The following ANO4 variants were observed in gnomAD, a reference collection of about 807,000 sequenced individuals.
ANO4 encodes anoctamin-4.
In ANO4, 69 loss-of-function variants were observed where a neutral mutation model predicts 141.9. That is an observed-to-expected ratio of 0.49 (90% CI 0.40 to 0.59). The LOEUF is 0.59. Ranked by LOEUF, ANO4 falls within the 20% of genes least tolerant of loss-of-function variation. The probability of loss-of-function intolerance (pLI) is 0.00; values close to 1 mark genes in which losing one functional copy is unlikely to be tolerated. For synonymous variants in ANO4, 350 were observed against 394.3 expected, an observed-to-expected ratio of 0.89 and a Z score of 1.33; for missense variants, 894 against 1,162.2, an observed-to-expected ratio of 0.77 and a Z score of 3.36.
intron 8 of ANO4, among the ~76,000 whole-genome samples, chr12:100,998,617 C>A (rs527910994): frequency 7.2e-5 from 11 of 152,164 alleles, no homozygotes; most frequent in African/African-American, 2.4e-4. Flanking sequence ...CATCTCTATA[C>A]GTCAATGCAT....
intron 1 of ANO4, among the ~76,000 whole-genome samples, chr12:100,801,039 T>C (rs1282734737): frequency 6.6e-6 from 1 of 152,168 alleles, no homozygotes; most frequent in Admixed American, 6.6e-5. Flanking sequence ...GAGCTAGGTA[T>C]ACTATCTCTG....
chr12:100,973,222 A>G (rs1480717562), intron 6 of ANO4, among the ~76,000 whole-genome samples: 2 of 152,212 alleles, frequency 1.3e-5, no homozygotes, highest in Non-Finnish European at 2.9e-5. Flanking sequence ...AACTTTTGCT[A>G]TTATTGTGTC....
In ANO4 at chr12:101,048,292, A is replaced by G. The variant is rs766126347; in HGVS notation, c.1252-49A>G. ...CAGAACTTGAAAAAATTTGAATTGGAATATCATATATGAGAAATTAACTCA... is the reference window on the plus strand; with the variant it reads ...CAGAACTTGAAAAAATTTGAATTGGGATATCATATATGAGAAATTAACTCA... On this transcript the variant is annotated intron_variant, in intron 13 of 27. Coordinates refer to ENST00000392977, the MANE Select transcript of ANO4 (RefSeq NM_001286615.2). The G allele has an allele frequency of 1.5e-5, 23 of 1,577,098 alleles. No individual in the cohort carries two copies. The South Asian group carries it at 2.6e-4, about 18-fold the overall frequency.
At chr12:101,111,734 T>A in intron 24 of ANO4, 24 bp downstream of exon 24, 2 of 1,552,864 alleles carry the variant, frequency 1.3e-6, no homozygotes, top group Non-Finnish European at 1.7e-6. Flanking sequence ...AAAACCACTA[T>A]ACAGTTTCTA....
intron 1 of ANO4, among the ~76,000 whole-genome samples, chr12:100,884,755 T>A (rs900472588): frequency 2.6e-5 from 4 of 152,132 alleles, no homozygotes; most frequent in Non-Finnish European, 5.9e-5. Context: ...AGTGCAGTGG[T>A]GCGATCTCAG....
chr12:100,905,439 A>G (rs1427111658), intron 2 of ANO4, among the ~76,000 whole-genome samples: 1 of 152,104 alleles, frequency 6.6e-6, no homozygotes, highest in Non-Finnish European at 1.5e-5. Context: ...CTCAGAAATT[A>G]CAAAAGTTTA....
At chr12:100,901,056 G>A (rs1275004465) in intron 1 of ANO4, among the ~76,000 whole-genome samples, 2 of 152,054 alleles carry the variant, frequency 1.3e-5, no homozygotes, top group East Asian at 1.9e-4. Context: ...ATGATGTCTG[G>A]AATTTGCTTT....
At chr12:100,970,974 CA>C (rs1566072552) in intron 5 of ANO4, among the ~76,000 whole-genome samples, 1 of 152,180 alleles carries the variant, frequency 6.6e-6, no homozygotes, top group Non-Finnish European at 1.5e-5. Context: ...CTCAGCCTCC[CA>C]AACTGCTGGG....
intron 1 of ANO4, among the ~76,000 whole-genome samples, chr12:100,797,277 C>CTTT (rs5800423): frequency 1.5e-5 from 2 of 136,820 alleles, no homozygotes; most frequent in Non-Finnish European, 3.2e-5. Flanking sequence ...CTTTAACTGG[C>CTTT]TTTTTTTTTT....
chr12:100,983,874 G>A (rs1334246102), intron 7 of ANO4, among the ~76,000 whole-genome samples: 1 of 152,160 alleles, frequency 6.6e-6, no homozygotes, highest in African/African-American at 2.4e-5. Context: ...CACAGGTTCT[G>A]GTGTGTACAT....
In ANO4 at chr12:100,954,616, A is replaced by G. The variant is rs117270800; in HGVS notation, c.456+12081A>G. Among the ~76,000 whole-genome samples, 778 of 152,322 alleles carry G rather than the reference A, an allele frequency of 5.1e-3. 2 individuals are homozygous for G. Among genetic ancestry groups the G allele is most frequent in the South Asian group, 7.9e-3 (38 of 4,818 alleles). ...CAACAAACAATATAGTGCAGCCACC[A>G]GCCCTCCTAACAGGTTGTTCCCTGT... On this transcript the variant is annotated intron_variant, in intron 5 of 27. Transcript: ENST00000392977.
chr12:100,988,872 G>GAAAAAAA (rs748666892), intron 8 of ANO4, among the ~76,000 whole-genome samples: 4,555 of 64,740 alleles, frequency 0.07, 729 homozygotes, highest in Non-Finnish European at 0.097. Context: ...CTCTGTCTCA[G>GAAAAAAA]AAAAAAAAAA....
intron 15 of ANO4, among the ~76,000 whole-genome samples, chr12:101,082,897 G>C (rs1365943110): frequency 6.6e-6 from 1 of 151,644 alleles, no homozygotes; most frequent in East Asian, 1.9e-4. Flanking sequence ...CATAATGCAT[G>C]CTTAATTAAC....
intron 3 of ANO4, among the ~76,000 whole-genome samples, chr12:100,765,618 T>C (rs1457661237): frequency 6.6e-6 from 1 of 151,552 alleles, no homozygotes; most frequent in Non-Finnish European, 1.5e-5. Context: ...TCAAGCGATC[T>C]TTCCGCCTTA....
chr12:101,048,082 A>G, intron 13 of ANO4: 6 of 1,176,502 alleles, frequency 5.1e-6, no homozygotes, highest in Non-Finnish European at 4.3e-6. Context: ...TCTTAGTAGC[A>G]CTATTGGGGA....
chr12:100,933,694 G>C (rs1174161351), intron 3 of ANO4, among the ~76,000 whole-genome samples: 1 of 152,166 alleles, frequency 6.6e-6, no homozygotes, highest in Non-Finnish European at 1.5e-5. Flanking sequence ...TTGCCACACT[G>C]TCTTCCACAA....
In ANO4 at chr12:100,794,788, G is replaced by C. The variant is rs1489507805; in HGVS notation, c.-380G>C. On this transcript the variant is annotated 5_prime_UTR_variant, in exon 1 of 28. Coordinates refer to ENST00000392977, the MANE Select transcript of ANO4 (RefSeq NM_001286615.2). Reference sequence around the variant, plus strand: ...AATCCACCAGGCTGCTTTCACTCCGGCTCGCTCTCCGGAGAGTCCTGTTCC... The same window carrying C: ...AATCCACCAGGCTGCTTTCACTCCGCCTCGCTCTCCGGAGAGTCCTGTTCC... 2 of 152,232 alleles carry C rather than the reference G, an allele frequency of 1.3e-5. No homozygotes were observed. Among genetic ancestry groups the C allele is most frequent in the Non-Finnish European group, 2.9e-5 (2 of 68,112 alleles). 9.4% of individuals were successfully genotyped at this position (152,232 alleles called of 1,614,324 possible).
intron 1 of ANO4, among the ~76,000 whole-genome samples, chr12:100,898,749 C>T (rs2040456039): frequency 6.6e-6 from 1 of 152,142 alleles, no homozygotes; most frequent in Non-Finnish European, 1.5e-5. Flanking sequence ...AATCCTGTTC[C>T]CCTCAGCCCA....
chr12:101,089,951 A>C lies in ANO4; in HGVS notation c.1701+3127A>C, dbSNP rs182708463. ...AAGTGAGCAAAGGATATGAACAGAC[A>C]CTTCTCAAAAGAAGACATTTATGCA... On this transcript the variant is annotated intron_variant, in intron 17 of 27. Coordinates refer to ENST00000392977, the MANE Select transcript of ANO4 (RefSeq NM_001286615.2). Among the ~76,000 whole-genome samples the C allele has an allele frequency of 2.0e-5, 3 of 152,344 alleles. No individual in the cohort carries two copies. In the East Asian group the frequency reaches 5.8e-4, roughly 29 times the overall value.
Sources: allele counts gnomAD v4.1 joint callset (sites outside exome capture counted in the v4.1 genomes callset), GRCh38; gene constraint gnomAD v4.1.1; transcripts MANE v1.5; gene names NCBI Gene and HGNC (gene_info 2026-07-23, HGNC 2026-07-21).